The following DTNB variants were observed in gnomAD, a reference collection of about 807,000 sequenced individuals.
DTNB encodes the protein DTN-B.
Under a neutral mutation model 90.7 loss-of-function variants are expected in DTNB, and 63 were observed. The ratio of observed to expected loss-of-function variants is 0.69; its 90% CI spans 0.57 to 0.86. DTNB has a LOEUF of 0.86. Ranked by LOEUF, DTNB falls within the 40% of genes least tolerant of loss-of-function variation. The pLI is 0.00. For synonymous variants in DTNB, 277 were observed against 286.7 expected (o/e 0.97, Z 0.34); for missense variants, 744 against 807.1 (o/e 0.92, Z 0.95).
At chr2:25,574,501 C>T (rs2060364830) in intron 8 of DTNB, among the ~76,000 whole-genome samples, 2 of 152,198 alleles carry the variant, frequency 1.3e-5, no homozygotes. Flanking sequence ...CTACTTAAAA[C>T]TCATATGTCA....
chr2:25,436,628 T>C (rs932332966), intron 12 of DTNB, among the ~76,000 whole-genome samples: 27 of 152,108 alleles, frequency 1.8e-4, no homozygotes, highest in Non-Finnish European at 3.5e-4. Flanking sequence ...AGTGTTTTTC[T>C]TTTTTAAAAG....
chr2:25,635,399 C>T (rs2076929006), intron 3 of DTNB, among the ~76,000 whole-genome samples: 1 of 151,944 alleles, frequency 6.6e-6, no homozygotes, highest in African/African-American at 2.4e-5. Flanking sequence ...TGCACTCCAG[C>T]CTGAGCGATA....
chr2:25,387,830 C>A lies in DTNB; in HGVS notation c.1735+372G>T, dbSNP rs1360646814. On this transcript the variant is annotated intron_variant, in intron 17 of 20. Transcript: ENST00000406818. This position sits in a 1 kb window ranked among gnomAD's most constrained non-coding sequence, Gnocchi z 4.5. ...CCCCGATGACTGTGACAATGGCGTG[C>A]ATACTGTGCTTTCAGCACGGTCCCA... Among the ~76,000 whole-genome samples the A allele has an allele frequency of 1.3e-5, 2 of 152,252 alleles. No homozygotes were observed. Among genetic ancestry groups the A allele is most frequent in the African/African-American group, 2.4e-5 (1 of 41,456 alleles).
chr2:25,503,600 T>A (rs551793282), intron 9 of DTNB, among the ~76,000 whole-genome samples: 1 of 152,100 alleles, frequency 6.6e-6, no homozygotes, highest in East Asian at 1.9e-4. Flanking sequence ...TTCTAGATAT[T>A]AACAGTGATC....
At chr2:25,581,039 T>C (rs2061491015) in intron 6 of DTNB, among the ~76,000 whole-genome samples, 1 of 152,254 alleles carries the variant, frequency 6.6e-6, no homozygotes, top group South Asian at 2.1e-4. Flanking sequence ...TATACATTAT[T>C]TTATTTTAGT....
chr2:25,421,514 G>T (rs969317658), intron 15 of DTNB, among the ~76,000 whole-genome samples: 1 of 152,188 alleles, frequency 6.6e-6, no homozygotes, highest in Non-Finnish European at 1.5e-5. Flanking sequence ...CTTCCCTTTG[G>T]GGCAGGACAC....
intron 12 of DTNB, among the ~76,000 whole-genome samples, chr2:25,437,482 A>G (rs4302184): frequency 0.85 from 128,866 of 152,054 alleles, 54,905 homozygotes; most frequent in Non-Finnish European, 0.87. Context: ...GGCTGGTCTC[A>G]AACTCCTGAC....
chr2:25,565,402 AT>A (rs910973613), intron 8 of DTNB, among the ~76,000 whole-genome samples: 5 of 150,646 alleles, frequency 3.3e-5, no homozygotes, highest in South Asian at 2.1e-4. Flanking sequence ...AAGCCCAGCT[AT>A]TTTTTTTTCA....
chr2:25,492,827 G>A (rs1337005547), intron 9 of DTNB, among the ~76,000 whole-genome samples: 1 of 152,030 alleles, frequency 6.6e-6, no homozygotes, highest in Non-Finnish European at 1.5e-5. Context: ...TCCAGAGTGG[G>A]TGACAAAGTG....
chr2:25,618,469 C>G (rs958920165), intron 4 of DTNB, among the ~76,000 whole-genome samples: 3 of 152,164 alleles, frequency 2.0e-5, no homozygotes, highest in African/African-American at 7.2e-5. Context: ...TCACTACTTC[C>G]AATGTAAAGT....
intron 2 of DTNB, among the ~76,000 whole-genome samples, chr2:25,641,985 T>G (rs2078422342): frequency 6.6e-6 from 1 of 152,000 alleles, no homozygotes; most frequent in Non-Finnish European, 1.5e-5. Context: ...CACGCCCAAC[T>G]AATTTTTTGT....
Position 25,388,285 on chromosome 2 carries a change from G to A in DTNB, c.1652C>T (p.Thr551Met), listed in dbSNP as rs184156004. ...GTGGGTGGGGGTGGAGCCGGCAGAC[G>A]TGGAGCGCACTGGCATGGGCATTGG... ...GRPMPMPVRS[T>M]SAGSTPTHCP... is the part of the protein sequence containing the mutation. Residue 551 changes from threonine (T) to methionine (M), a missense_variant, in exon 17 of 21, where the codon ACG becomes ATG. By Grantham distance (81) the Thr-to-Met change is moderately conservative. Coordinates refer to ENST00000406818, the MANE Select transcript of DTNB (RefSeq NM_021907.5). The A allele has an allele frequency of 1.1e-5, 17 of 1,612,916 alleles. No individual in the cohort carries two copies. Among genetic ancestry groups the A allele is most frequent in the African/African-American group, 4.0e-5 (3 of 75,058 alleles).
At chr2:25,639,173 G>A (rs1424499771) in intron 2 of DTNB, 79 bp from the exon 3 acceptor site, 6 of 1,383,844 alleles carry the variant, frequency 4.3e-6, no homozygotes, top group African/African-American at 4.3e-5. Context: ...CCATTCTATT[G>A]TATTGTCATA....
chr2:25,492,444 G>C (rs974147384), intron 9 of DTNB, among the ~76,000 whole-genome samples: 3 of 152,166 alleles, frequency 2.0e-5, no homozygotes, highest in African/African-American at 7.2e-5. Flanking sequence ...ACTCATTTTG[G>C]CTTTCTGAAT....
intron 2 of DTNB, among the ~76,000 whole-genome samples, chr2:25,645,687 T>C (rs858667): frequency 0.16 from 24,679 of 151,998 alleles, 2,629 homozygotes; most frequent in East Asian, 0.59. Context: ...GCAATCCACC[T>C]GCCTCAGCCT....
At chr2:25,553,446 G>A (rs1317559204) in intron 8 of DTNB, among the ~76,000 whole-genome samples, 3 of 151,866 alleles carry the variant, frequency 2.0e-5, no homozygotes, top group African/African-American at 4.8e-5. Context: ...ATAAAAATAC[G>A]GCTAGGTAGG....
At position 25,435,623 on chromosome 2, in the gene DTNB, T is replaced by C. The variant is rs1483401840; in HGVS notation, c.1258-1628A>G. The stretch of plus-strand genomic sequence containing the variant: ...TTCCATTACATGGATATACCACTAT[T>C]TGTTTACCCATTCATCAGCTGATGA... On this transcript the variant is annotated intron_variant, in intron 12 of 20. Transcript: ENST00000406818. Among the ~76,000 whole-genome samples the C allele has an allele frequency of 2.0e-5, 3 of 152,204 alleles. No homozygotes were observed. In the East Asian group the frequency reaches 5.8e-4, roughly 29 times the overall value.
intron 10 of DTNB, among the ~76,000 whole-genome samples, chr2:25,469,030 C>T (rs376585689): frequency 2.0e-5 from 3 of 152,216 alleles, no homozygotes; most frequent in South Asian, 2.1e-4. Context: ...ACTGGAACTA[C>T]GGTGATAAAC....
chr2:25,390,278 A>G (rs999068135), intron 16 of DTNB, among the ~76,000 whole-genome samples: 29 of 152,352 alleles, frequency 1.9e-4, no homozygotes, highest in Non-Finnish European at 3.8e-4. Flanking sequence ...AATGGATCAT[A>G]GTAACTATAA....
Sources: allele counts gnomAD v4.1 joint callset (sites outside exome capture counted in the v4.1 genomes callset), GRCh38; gene constraint gnomAD v4.1.1; non-coding constraint Gnocchi (gnomAD v3.1); transcripts MANE v1.5; gene names NCBI Gene and HGNC (gene_info 2026-07-23, HGNC 2026-07-21).